Variants in FAM110B observed in about 807,000 individuals in gnomAD.
FAM110B encodes the protein protein FAM110B.
A neutral mutation model predicts 20.4 loss-of-function variants in FAM110B; 6 were observed. The observed-to-expected ratio is 0.29, with a 90% confidence interval of 0.16 to 0.58. The LOEUF is 0.58. Among genes scored for constraint, FAM110B ranks in the 20% least tolerant of loss-of-function variants. The probability of loss-of-function intolerance (pLI) is 0.90; values close to 1 mark genes in which losing one functional copy is unlikely to be tolerated. For synonymous variants in FAM110B, 226 were observed against 214.1 expected (o/e 1.06, Z -0.49); for missense variants, 434 against 498.2 (o/e 0.87, Z 1.23).
At chr8:58,107,772 T>C (rs1806956377) in intron 3 of FAM110B, among the ~76,000 whole-genome samples, 2 of 152,250 alleles carry the variant, frequency 1.3e-5, no homozygotes, top group African/African-American at 2.4e-5. Context: ...GCCCCCAGCA[T>C]GCCCATGGTG....
chr8:58,114,797 G>T lies in FAM110B; in HGVS notation c.-324-31110G>T, dbSNP rs184293227. On this transcript the variant is annotated intron_variant, in intron 3 of 3. Transcript: ENST00000519262. ...GATGAATAATATTTTATCTCTTTTT[G>T]CAGATGAGGAAACTGAGACCAAGAA... Among the ~76,000 whole-genome samples the T allele has an allele frequency of 2.3e-3, 350 of 152,216 alleles. 2 individuals are homozygous for T. The highest frequency in any genetic ancestry group is 0.012 in the South Asian group (59 of 4,826).
rs193014256 is a variant in FAM110B, at chr8:58,122,069, T to A, written c.-324-23838T>A. The stretch of plus-strand genomic sequence containing the variant: ...TTTTTAATCTCTGCATATCTACAAG[T>A]ATCTTTATTCTATCCTTCTGCTTGA... On this transcript the variant is annotated intron_variant, in intron 3 of 3. Coordinates refer to ENST00000519262, the MANE Select transcript of FAM110B (RefSeq NM_001377989.1). Among the ~76,000 whole-genome samples the A allele has an allele frequency of 3.3e-3, 500 of 152,302 alleles. 5 individuals carry two copies. Among genetic ancestry groups the A allele is most frequent in the African/African-American group, 0.012 (483 of 41,566 alleles).
chr8:58,021,013 A>G (rs1186692411), intron 1 of FAM110B, among the ~76,000 whole-genome samples: 1 of 152,232 alleles, frequency 6.6e-6, no homozygotes, highest in Non-Finnish European at 1.5e-5. Context: ...CTAGGCCCAT[A>G]GAAAAGTAAC....
chr8:58,016,374 G>A (rs1009112485), intron 1 of FAM110B, among the ~76,000 whole-genome samples: 1 of 152,156 alleles, frequency 6.6e-6, no homozygotes, highest in Non-Finnish European at 1.5e-5. Context: ...TGGGCCTCCC[G>A]GGAGGTTATT....
chr8:58,147,465 C>A lies in FAM110B; in HGVS notation c.*122C>A. On this transcript the variant is annotated 3_prime_UTR_variant, in exon 4 of 4. Coordinates refer to ENST00000519262, the MANE Select transcript of FAM110B (RefSeq NM_001377989.1). ...TGTGTTGCTTGTTGTGCAATGTTTT[C>A]AAGTTGCATGCTTGTCAACATGGGG... The A allele has an allele frequency of 8.1e-7, 1 of 1,234,466 alleles. No homozygotes were observed. The highest frequency in any genetic ancestry group is 1.1e-6 in the Non-Finnish European group (1 of 891,522). The allele number at this position is 1,234,466 out of a possible 1,614,324, so 76.5% of individuals were successfully genotyped here. A position where few individuals can be genotyped will look rare whatever the true frequency, so the allele number is the denominator to read the frequency against.
chr8:58,007,039 G>C (rs2150564247), intron 1 of FAM110B, among the ~76,000 whole-genome samples: 1 of 151,790 alleles, frequency 6.6e-6, no homozygotes, highest in East Asian at 1.9e-4. Context: ...CCTACAATGT[G>C]CCAGGCACCA....
intron 2 of FAM110B, among the ~76,000 whole-genome samples, chr8:58,060,436 G>GT (rs1805631667): frequency 6.6e-6 from 1 of 152,070 alleles, no homozygotes; most frequent in Non-Finnish European, 1.5e-5. Flanking sequence ...ACTACAGAGT[G>GT]GCCCAAAACT....
At chr8:58,051,859 G>A (rs537768177) in intron 2 of FAM110B, among the ~76,000 whole-genome samples, 160 of 152,206 alleles carry the variant, frequency 1.1e-3, no homozygotes, top group African/African-American at 3.6e-3. Flanking sequence ...ATGGCATTTG[G>A]CCTTTTACTC....
intron 1 of FAM110B, among the ~76,000 whole-genome samples, chr8:58,008,508 C>A (rs912709954): frequency 6.6e-6 from 1 of 152,130 alleles, no homozygotes; most frequent in Non-Finnish European, 1.5e-5. Flanking sequence ...GGTATTTGGA[C>A]ACATGTATCT....
chr8:58,129,269 T>A (rs931363334), intron 3 of FAM110B, among the ~76,000 whole-genome samples: 1 of 152,204 alleles, frequency 6.6e-6, no homozygotes, highest in Non-Finnish European at 1.5e-5. Flanking sequence ...TCTGAGCCAG[T>A]GGCCTCAGGG....
chr8:58,126,149 C>T (rs1807498248), intron 3 of FAM110B, among the ~76,000 whole-genome samples: 1 of 152,194 alleles, frequency 6.6e-6, no homozygotes, highest in East Asian at 1.9e-4. Context: ...TATATACATA[C>T]AGTATGTGAC....
At chr8:58,040,490 G>A (rs1805190575) in intron 2 of FAM110B, among the ~76,000 whole-genome samples, 1 of 152,032 alleles carries the variant, frequency 6.6e-6, no homozygotes, top group South Asian at 2.1e-4. Flanking sequence ...GGCACTCCAG[G>A]GCCGCTCTGC....
intron 1 of FAM110B, among the ~76,000 whole-genome samples, chr8:58,010,451 G>A (rs372671046): frequency 6.6e-6 from 1 of 152,152 alleles, no homozygotes; most frequent in Non-Finnish European, 1.5e-5. Context: ...ATCAGGTTTG[G>A]TCAGGTTTTT....
At chr8:58,085,185 C>T (rs1011218995) in intron 3 of FAM110B, among the ~76,000 whole-genome samples, 14 of 152,152 alleles carry the variant, frequency 9.2e-5, no homozygotes, top group Non-Finnish European at 2.1e-4. Context: ...GGTCATGCCC[C>T]CTTCCTTTAA....
chr8:58,137,804 G>T (rs976942905), intron 3 of FAM110B, among the ~76,000 whole-genome samples: 5 of 152,138 alleles, frequency 3.3e-5, no homozygotes, highest in Admixed American at 6.5e-5. Flanking sequence ...TTCTTTGCCT[G>T]GATGAAATCT....
At chr8:58,140,080 T>A (rs2150641915) in intron 3 of FAM110B, among the ~76,000 whole-genome samples, 1 of 152,284 alleles carries the variant, frequency 6.6e-6, no homozygotes, top group Non-Finnish European at 1.5e-5. Context: ...TAGTTCTGTT[T>A]GGCTTAAGCC....
At chr8:58,012,154 A>G (rs1466463864) in intron 1 of FAM110B, among the ~76,000 whole-genome samples, 1 of 152,200 alleles carries the variant, frequency 6.6e-6, no homozygotes, top group African/African-American at 2.4e-5. Context: ...GTGAAACTAT[A>G]GCAGGTTGGT....
chr8:58,022,292 G>C (rs1804772120), intron 1 of FAM110B, among the ~76,000 whole-genome samples: 1 of 152,206 alleles, frequency 6.6e-6, no homozygotes, highest in Non-Finnish European at 1.5e-5. Flanking sequence ...AAGGACAAAT[G>C]CTGCATAATT....
intron 1 of FAM110B, among the ~76,000 whole-genome samples, chr8:58,005,401 C>T (rs1034670129): frequency 2.6e-5 from 4 of 152,122 alleles, no homozygotes; most frequent in Non-Finnish European, 4.4e-5. Context: ...GGTATAATAA[C>T]GAAAAAGTTT....
Sources: allele counts gnomAD v4.1 joint callset (sites outside exome capture counted in the v4.1 genomes callset), GRCh38; gene constraint gnomAD v4.1.1; transcripts MANE v1.5; gene names NCBI Gene and HGNC (gene_info 2026-07-23, HGNC 2026-07-21).